The following ACIN1 variants were observed in gnomAD, a reference collection of about 807,000 sequenced individuals.
The protein encoded by ACIN1 is apoptotic chromatin condensation inducer in the nucleus.
ACIN1 carries 16 observed loss-of-function variants against 146.6 expected under a neutral mutation model. The ratio of observed to expected loss-of-function variants is 0.11; its 90% CI spans 0.07 to 0.17. The LOEUF is 0.17. ACIN1 is among the 10% of genes least tolerant of loss of function. The probability of loss-of-function intolerance (pLI) is 1.00; values close to 1 mark genes in which losing one functional copy is unlikely to be tolerated. For synonymous variants in ACIN1, 569 were observed against 582.7 expected (o/e 0.98, Z 0.34); for missense variants, 1,357 against 1,609.3 (o/e 0.84, Z 2.68).
intron 10 of ACIN1, among the ~76,000 whole-genome samples, chr14:23,064,896 C>A (rs867611922): frequency 9.9e-4 from 115 of 116,478 alleles, no homozygotes; most frequent in African/African-American, 1.7e-3. Flanking sequence ...GACTCCGTCT[C>A]AAAAAAAAAA....
At chr14:23,075,324 T>TTTG (rs562508908) in intron 8 of ACIN1, among the ~76,000 whole-genome samples, 855 of 66,084 alleles carry the variant, frequency 0.013, 9 homozygotes, top group African/African-American at 0.1. Context: ...TTTCTTCCCC[T>TTTG]TTTTTTTTTT....
intron 12 of ACIN1, 106 bp from the exon 13 acceptor site, chr14:23,063,683 C>T (rs1225368751): frequency 2.2e-5 from 29 of 1,304,876 alleles, no homozygotes; most frequent in Non-Finnish European, 3.1e-5. Context: ...TAGCATGTTC[C>T]TTCCGCTAGG....
chr14:23,063,534 T>G lies in ACIN1; in HGVS notation c.2639A>C (p.Glu880Ala). Residue 880 changes from glutamate (E) to alanine (A), a missense_variant, in exon 13 of 19, where the codon GAG (glutamate) becomes GCG (alanine). This residue lies in a region of ACIN1 where 509 missense variants were observed against 719.6 expected (regional missense o/e 0.71). Transcript: ENST00000605057. The stretch of plus-strand genomic sequence containing the variant: ...TGCTTCAGGTTCCTTCTCTTCTTCC[T>G]CTTCTTCCCTCTGCCCATTCTCCTG... ...EGQENGQREE[E>A]EEEKEPEAEP... The G allele has an allele frequency of 6.2e-7, 1 of 1,614,188 alleles. No homozygotes were observed. Among genetic ancestry groups the G allele is most frequent in the Non-Finnish European group, 8.5e-7 (1 of 1,180,026 alleles).
chr14:23,073,067 T>C (rs1442857949), intron 8 of ACIN1, among the ~76,000 whole-genome samples: 6 of 152,240 alleles, frequency 3.9e-5, no homozygotes, highest in Admixed American at 3.9e-4. Context: ...TAGGCCATTA[T>C]CTCATCTGAT....
upstream of ACIN1, chr14:23,095,450 G>C (rs551293879): frequency 4.0e-6 from 4 of 1,012,022 alleles, no homozygotes; most frequent in South Asian, 1.7e-5. Flanking sequence ...TCCGGACCTA[G>C]AGATGAGGCG....
At chr14:23,075,735 G>C (rs866092100) in intron 8 of ACIN1, among the ~76,000 whole-genome samples, 1 of 148,480 alleles carries the variant, frequency 6.7e-6, no homozygotes, top group African/African-American at 2.5e-5. Flanking sequence ...ACGGAGTTTC[G>C]CTCTTGTTGC....
intron 4 of ACIN1, among the ~76,000 whole-genome samples, chr14:23,083,581 A>C (rs567904436): frequency 5.9e-5 from 9 of 152,232 alleles, no homozygotes; most frequent in African/African-American, 1.9e-4. Flanking sequence ...AAATACAAAA[A>C]ATTAGCCAGG....
intron 1 of ACIN1, 108 bp downstream of exon 1, chr14:23,094,867 G>T: frequency 7.0e-7 from 1 of 1,430,976 alleles, no homozygotes. Flanking sequence ...CGCGCTGGCG[G>T]CCTGAGCGAG....
chr14:23,061,909 G>C (rs1334425533), intron 16 of ACIN1, among the ~76,000 whole-genome samples: 4 of 147,394 alleles, frequency 2.7e-5, no homozygotes, highest in Admixed American at 6.9e-5. Flanking sequence ...GGAAGGCGGA[G>C]CTTGCAGTGA....
chr14:23,072,330 AG>A (rs564416646), intron 8 of ACIN1, among the ~76,000 whole-genome samples: 12 of 152,318 alleles, frequency 7.9e-5, no homozygotes, highest in African/African-American at 2.6e-4. Flanking sequence ...AGAAAAAGAA[AG>A]GATAAACAGG....
In ACIN1 at chr14:23,064,442, G is replaced by GC; in HGVS notation, c.2354dup (p.Gln786ProfsTer26). ...CCCAGCGTCGTTTCCGACCAGGCTG[G>GC]CCCCCCTCTGTGTCACTGTTTCCAG... is the stretch of plus-strand genomic sequence containing the variant. On this transcript the variant is annotated frameshift_variant, in exon 11 of 19. Transcript: ENST00000605057. LOFTEE classifies it high-confidence loss of function. 6.2e-7 allele frequency: 1 copy of GC among 1,614,220 alleles called. No homozygotes were observed. The highest frequency in any genetic ancestry group is 8.5e-7 in the Non-Finnish European group (1 of 1,180,044).
intron 4 of ACIN1, among the ~76,000 whole-genome samples, chr14:23,084,218 A>G (rs2048027626): frequency 6.6e-6 from 1 of 152,138 alleles, no homozygotes; most frequent in African/African-American, 2.4e-5. Context: ...AAGTGCTGGG[A>G]TTACAGGTGT....
intron 8 of ACIN1, chr14:23,071,157 T>C (rs2047634472): frequency 1.3e-6 from 2 of 1,550,990 alleles, no homozygotes; most frequent in African/African-American, 1.4e-5. Flanking sequence ...TGATTTTTTT[T>C]CTCCCCCTGG....
intron 13 of ACIN1, 103 bp downstream of exon 13, chr14:23,063,333 T>G: frequency 7.0e-7 from 1 of 1,432,430 alleles, no homozygotes; most frequent in Non-Finnish European, 9.4e-7. Flanking sequence ...TACGAAAAAA[T>G]ATAATGAAAG....
At position 23,083,389 on chromosome 14, in the gene ACIN1, A is replaced by T. The variant is rs140472414; in HGVS notation, c.437-1553T>A. The stretch of plus-strand genomic sequence containing the variant: ...CCGAGTCTCAAATGTCATGATTGAG[A>T]AAAAGGAGGGGCTGCACTAGATGAT... On this transcript the variant is annotated intron_variant, in intron 4 of 18. Transcript: ENST00000605057. Among the ~76,000 whole-genome samples the T allele has an allele frequency of 9.5e-3, 1,446 of 152,190 alleles. 16 individuals carry two copies. The highest frequency in any genetic ancestry group is 0.032 in the African/African-American group (1,327 of 41,528).
chr14:23,084,363 T>C (rs1450278068), intron 4 of ACIN1, among the ~76,000 whole-genome samples: 5 of 152,172 alleles, frequency 3.3e-5, no homozygotes, highest in Admixed American at 6.5e-5. Flanking sequence ...TCTCAGCACA[T>C]TGAGAGGCCG....
At chr14:23,070,347 A>G (rs2047597086) in intron 8 of ACIN1, among the ~76,000 whole-genome samples, 1 of 152,194 alleles carries the variant, frequency 6.6e-6, no homozygotes. Context: ...GGCCACTTTT[A>G]CCTGCTCAGA....
intron 1 of ACIN1, 115 bp from the exon 2 acceptor site, chr14:23,093,659 C>G (rs1280925724): frequency 2.4e-6 from 2 of 833,298 alleles, no homozygotes; most frequent in Non-Finnish European, 3.8e-6. Context: ...CACAATTAAA[C>G]TGTATTCCTT....
rs2048182804 is a variant in ACIN1 at position 23,089,868 on chromosome 14, A to G, written c.436+114T>C. The G allele has an allele frequency of 3.8e-6, 5 of 1,328,168 alleles. No homozygotes were observed. In the South Asian group the frequency reaches 7.7e-5, roughly 20 times the overall value. 82.3% of individuals were successfully genotyped at this position (1,328,168 alleles called of 1,614,324 possible). The stretch of plus-strand genomic sequence containing the variant: ...GAAACAGATGTCAAATATCAATGTC[A>G]CAGAATTTCCCTGGGACTTTCATGG... On this transcript the variant is annotated intron_variant, in intron 4 of 18. Coordinates refer to ENST00000605057, the MANE Select transcript of ACIN1 (RefSeq NM_001386863.1).
Sources: allele counts gnomAD v4.1 joint callset (sites outside exome capture counted in the v4.1 genomes callset), GRCh38; gene constraint gnomAD v4.1.1; regional missense constraint gnomAD v4.1.1; transcripts MANE v1.5; gene names NCBI Gene and HGNC (gene_info 2026-07-23, HGNC 2026-07-21).